CCT2: variants seen among roughly 807,000 people sequenced by gnomAD.
CCT2 encodes the protein chaperonin containing TCP1 subunit 2, also known as T-complex protein 1 subunit beta.
Under a neutral mutation model 61.8 loss-of-function variants are expected in CCT2, and 18 were observed. The ratio of observed to expected loss-of-function variants is 0.29; its 90% confidence interval spans 0.20 to 0.43. CCT2 has a LOEUF of 0.43. Ranked by LOEUF, CCT2 falls within the 20% of genes least tolerant of loss-of-function variation. The pLI, the probability that CCT2 is intolerant of heterozygous loss-of-function variation, is 1.00. For missense variants in CCT2, 556 were observed against 656.9 expected (o/e 0.85, Z 1.68); for synonymous variants, 248 against 215.9 (o/e 1.15, Z -1.30).
chr12:69,592,999 T>G lies in CCT2; in HGVS notation c.774T>G (p.Val258=), dbSNP rs777394247. 1 of 1,613,472 alleles carries G rather than the reference T, an allele frequency of 6.2e-7. No individual in the cohort carries two copies. The highest frequency in any genetic ancestry group is 1.7e-5 in the Admixed American group (1 of 59,924). The change falls in exon 9 of 16, where the codon GTT becomes GTG. Residue 258 remains valine, a synonymous_variant. Coordinates refer to ENST00000299300, the MANE Select transcript of CCT2 (RefSeq NM_006431.3). ...AGATATTTGGTTCCCGGGTAAGAGT[T>G]GACTCTACAGCAAAGGTTGCAGAAA... ...KIKIFGSRVR[V]DSTAKVAEIE...
chr12:69,588,003 A>G lies in CCT2; in HGVS notation c.330A>G (p.Leu110=), dbSNP rs142946611. ...TTACCGTTTTAGCAGCAGAATTATT[A>G]AGGGTAAGAGCAACTAAGCAACTCT... ...TSVTVLAAEL[L]REAESLIAKK... Residue 110 remains leucine (L), a synonymous_variant, in exon 5 of 16, where the codon TTA becomes TTG. Transcript: ENST00000299300. 60 of 1,612,650 alleles carry G rather than the reference A, an allele frequency of 3.7e-5. No individual in the cohort carries two copies. In the African/African-American group the frequency reaches 6.9e-4, roughly 19 times the overall value.
intron 10 of CCT2, among the ~76,000 whole-genome samples, chr12:69,595,638 A>G (rs1245749858): frequency 6.9e-6 from 1 of 145,824 alleles, no homozygotes; most frequent in African/African-American, 2.6e-5. Context: ...CAGTGAGCTG[A>G]GATTGGCGCC....
chr12:69,585,928 C>G, intron 1 of CCT2: 2 of 1,262,946 alleles, frequency 1.6e-6, no homozygotes, highest in Non-Finnish European at 2.0e-6. Flanking sequence ...CGCGTTCCCT[C>G]GCCCGCCCGG....
intron 14 of CCT2, 100 bp downstream of exon 14, chr12:69,598,521 A>G (rs17225328): frequency 0.11 from 69,480 of 632,622 alleles, 4,608 homozygotes; most frequent in Middle Eastern, 0.14. Flanking sequence ...ATAACCGTAT[A>G]AAAGACTCTT....
At chr12:69,590,236 T>G (rs1186139353) in intron 7 of CCT2, among the ~76,000 whole-genome samples, 1 of 152,232 alleles carries the variant, frequency 6.6e-6, no homozygotes. Flanking sequence ...GCTTTTCAAA[T>G]CTGCTGGTTC....
intron 10 of CCT2, among the ~76,000 whole-genome samples, chr12:69,595,275 G>A (rs10506565): frequency 0.028 from 4,331 of 152,234 alleles, 195 homozygotes; most frequent in African/African-American, 0.098. Context: ...ATTACTTGAA[G>A]TGGGTTTACT....
At chr12:69,597,358 A>G (rs1394195549) in intron 11 of CCT2, 83 bp downstream of exon 11, 7 of 1,490,894 alleles carry the variant, frequency 4.7e-6, no homozygotes, top group African/African-American at 2.8e-5. Context: ...AGTTACTAGA[A>G]TAGCATATCT....
chr12:69,590,261 C>T (rs1881794970), intron 7 of CCT2, among the ~76,000 whole-genome samples: 1 of 152,130 alleles, frequency 6.6e-6, no homozygotes, highest in African/African-American at 2.4e-5. Flanking sequence ...CAGCCTGGAA[C>T]TTAAGTATGT....
intron 14 of CCT2, 23 bp downstream of exon 14, chr12:69,598,444 G>C (rs754241777): frequency 6.9e-7 from 1 of 1,454,340 alleles, no homozygotes; most frequent in Non-Finnish European, 9.3e-7. Flanking sequence ...GGGGAACTTT[G>C]TGGCCGTTGT....
Position 69,599,956 on chromosome 12 carries a change from C to T in CCT2, c.1529C>T (p.Ala510Val). The change falls in exon 15 of 16, where the codon GCA becomes GTA. Residue 510 changes from alanine (A) to valine (V), a missense_variant. Transcript: ENST00000299300. The stretch of plus-strand genomic sequence containing the variant: ...CAGGTTCTTCTGAGTGCAGCTGAAG[C>T]AGCAGAGGTGATTCTGCGTGTGGAC... ...KRQVLLSAAE[A>V]AEVILRVDNI... The T allele has an allele frequency of 6.2e-7, 1 of 1,613,740 alleles. No homozygotes were observed. The highest frequency in any genetic ancestry group is 8.5e-7 in the Non-Finnish European group (1 of 1,179,744).
chr12:69,598,390 T>C lies in CCT2; in HGVS notation c.1404T>C (p.Ala468=), dbSNP rs1192386282. The change falls in exon 14 of 16, where the codon GCT becomes GCC. Residue 468 remains alanine, a synonymous_variant. Transcript: ENST00000299300. ...ACCTGGTGGCACAGCTCAGGGCTGC[T>C]CACAGTGAAGGCAATACCACTGCTG... ...SADLVAQLRA[A]HSEGNTTAGL... is the part of the protein sequence containing the mutation. 5 of 1,602,216 alleles carry C rather than the reference T, an allele frequency of 3.1e-6. No individual in the cohort carries two copies. The African/African-American group carries it at 4.0e-5, about 13-fold the overall frequency.
At chr12:69,595,511 A>G (rs1443277500) in intron 10 of CCT2, among the ~76,000 whole-genome samples, 1 of 152,064 alleles carries the variant, frequency 6.6e-6, no homozygotes, top group Non-Finnish European at 1.5e-5. Flanking sequence ...AATATGGTGA[A>G]ACCCTGTCTC....
At chr12:69,592,712 C>G in intron 8 of CCT2, 1 of 294,182 alleles carries the variant, frequency 3.4e-6, no homozygotes, top group Non-Finnish European at 6.4e-6. Context: ...ATCACAAGGT[C>G]AGGAGTTCAA....
intron 4 of CCT2, 147 bp downstream of exon 4, chr12:69,587,763 A>C: frequency 1.4e-6 from 1 of 737,070 alleles, no homozygotes; most frequent in Admixed American, 2.4e-5. Flanking sequence ...TACAAGCTTC[A>C]GGAGTGCCCG....
chr12:69,586,682 G>A (rs1177189388), intron 2 of CCT2, 71 bp from the exon 3 acceptor site: 3 of 1,084,304 alleles, frequency 2.8e-6, no homozygotes, highest in South Asian at 2.9e-5. Flanking sequence ...AAAAAAAAAA[G>A]TAAATAAAGA....
At chr12:69,596,194 GCAGT>G (rs1450794451) in intron 10 of CCT2, among the ~76,000 whole-genome samples, 1 of 152,190 alleles carries the variant, frequency 6.6e-6, no homozygotes, top group Non-Finnish European at 1.5e-5. Flanking sequence ...AGAACACAAA[GCAGT>G]CTCAGAATTT....
In CCT2 at chr12:69,585,671, C is replaced by T; in HGVS notation, c.3+147C>T. On this transcript the variant is annotated intron_variant, in intron 1 of 15. Coordinates refer to ENST00000299300, the MANE Select transcript of CCT2 (RefSeq NM_006431.3). ...TGGTGCGAGCCATGCGCGGGGCGTG[C>T]GGCCTGCGCCAGGCCAGCCGGTGGA... 3.3e-6 allele frequency: 5 copies of T among 1,519,896 alleles called. No homozygotes were observed. The South Asian group carries it at 3.7e-5, about 11-fold the overall frequency. 94.2% of individuals were successfully genotyped at this position (1,519,896 alleles called of 1,614,324 possible).
At chr12:69,598,449 C>T (rs188969004) in intron 14 of CCT2, 28 bp downstream of exon 14, 17 of 1,411,728 alleles carry the variant, frequency 1.2e-5, no homozygotes, top group Middle Eastern at 1.8e-4. Context: ...ACTTTGTGGC[C>T]GTTGTTAAAA....
At chr12:69,599,832 T>A in intron 14 of CCT2, 31 bp from the exon 15 acceptor site, 1 of 1,581,198 alleles carries the variant, frequency 6.3e-7, no homozygotes, top group African/African-American at 1.4e-5. Flanking sequence ...TAGTTAAAAC[T>A]GCTTTTTAGT....
Sources: allele counts gnomAD v4.1 joint callset (sites outside exome capture counted in the v4.1 genomes callset), GRCh38; gene constraint gnomAD v4.1.1; transcripts MANE v1.5; gene names NCBI Gene and HGNC (gene_info 2026-07-23, HGNC 2026-07-21).